DPP10: variants seen among roughly 807,000 people sequenced by gnomAD.
DPP10 encodes dipeptidyl peptidase like 10, also known as inactive dipeptidyl peptidase 10.
In DPP10, 33 loss-of-function variants were observed where a neutral mutation model predicts 120.9. That is an observed-to-expected ratio of 0.27 (90% CI 0.21 to 0.37). The LOEUF (loss-of-function observed/expected upper bound fraction) is 0.37. DPP10 is among the 10% of genes least tolerant of loss of function. The pLI, the probability that DPP10 is intolerant of heterozygous loss-of-function variation, is 1.00. For missense variants in DPP10, 816 were observed against 942.8 expected (o/e 0.87, Z 1.76); for synonymous variants, 337 against 326.1 (o/e 1.03, Z -0.36).
intron 1 of DPP10, among the ~76,000 whole-genome samples, chr2:114,477,494 C>A (rs148031877): frequency 1.4e-5 from 2 of 144,944 alleles, no homozygotes; most frequent in East Asian, 2.0e-4. Flanking sequence ...CATATACATA[C>A]GTATATACAC....
At chr2:115,428,351 C>A (rs2070670045) in intron 3 of DPP10, among the ~76,000 whole-genome samples, 1 of 152,096 alleles carries the variant, frequency 6.6e-6, no homozygotes, top group South Asian at 2.1e-4. Context: ...TTGGGCTGTT[C>A]TTGCTTTGCT....
At chr2:114,761,480 A>ATC (rs1680278386) in intron 1 of DPP10, among the ~76,000 whole-genome samples, 2 of 152,092 alleles carry the variant, frequency 1.3e-5, no homozygotes, top group African/African-American at 4.8e-5. Context: ...TACAGATAAT[A>ATC]TCTCTCTCTG....
At position 115,791,190 on chromosome 2, in the gene DPP10, G is replaced by T. The variant is rs747052323; in HGVS notation, c.1630+11G>T. 1 of 1,611,526 alleles carries T rather than the reference G, an allele frequency of 6.2e-7. No homozygotes were observed. Among genetic ancestry groups the T allele is most frequent in the African/African-American group, 1.3e-5 (1 of 74,896 alleles). ...ATATTGACGACTATGGTAAAATTTT[G>T]TGCATGCTATGTTATTCAAGAACAA... On this transcript the variant is annotated intron_variant, in intron 18 of 25. Coordinates refer to ENST00000410059, the MANE Select transcript of DPP10 (RefSeq NM_020868.6).
At chr2:115,625,595 G>A (rs2149297651) in intron 5 of DPP10, among the ~76,000 whole-genome samples, 1 of 152,192 alleles carries the variant, frequency 6.6e-6, no homozygotes, top group Non-Finnish European at 1.5e-5. Flanking sequence ...ATGTAGTTTG[G>A]AAAATCAACT....
At chr2:115,701,336 G>T (rs1378733588) in intron 7 of DPP10, among the ~76,000 whole-genome samples, 1 of 151,984 alleles carries the variant, frequency 6.6e-6, no homozygotes, top group Non-Finnish European at 1.5e-5. Flanking sequence ...ATTGAATCAG[G>T]AAAGGACTAT....
At chr2:115,833,607 C>T (rs577074786) in intron 21 of DPP10, among the ~76,000 whole-genome samples, 13 of 152,232 alleles carry the variant, frequency 8.5e-5, no homozygotes, top group Non-Finnish European at 1.5e-4. Context: ...CATAATGCCA[C>T]GCATGGAAAA....
At chr2:115,563,312 C>A (rs1189091819) in intron 5 of DPP10, among the ~76,000 whole-genome samples, 3 of 152,080 alleles carry the variant, frequency 2.0e-5, no homozygotes, top group African/African-American at 7.2e-5. Flanking sequence ...AAATATCAGA[C>A]TTCCGAGGAC....
rs1558791442 is a variant in DPP10, at chr2:114,834,764, G to GCACCTATGTATATATAAGCCATGTCTACA, written c.60+391999_60+392027dup. ...CTATGTATATATAAGCCATGTCTAC[G>GCACCTATGTATATATAAGCCATGTCTACA]CACCTATGTATATATAAGCCATGTC... On this transcript the variant is annotated intron_variant, in intron 1 of 25. Transcript: ENST00000410059. Among the ~76,000 whole-genome samples the GCACCTATGTATATATAAGCCATGTCTACA allele has an allele frequency of 9.0e-5, 3 of 33,154 alleles. 1 individual carries two copies. Among genetic ancestry groups the GCACCTATGTATATATAAGCCATGTCTACA allele is most frequent in the African/African-American group, 5.7e-5 (1 of 17,404 alleles). The allele number at this position is 33,154 out of a possible 152,430, so 21.8% of individuals were successfully genotyped here.
chr2:115,157,244 C>CAAAAAAAAAAAA (rs569338436), intron 1 of DPP10, among the ~76,000 whole-genome samples: 4 of 101,508 alleles, frequency 3.9e-5, no homozygotes, highest in African/African-American at 1.4e-4. Flanking sequence ...TTAAATATAG[C>CAAAAAAAAAAAA]AAAAAAAAAA....
At chr2:115,195,912 C>T in intron 1 of DPP10, among the ~76,000 whole-genome samples, 1 of 152,170 alleles carries the variant, frequency 6.6e-6, no homozygotes, top group East Asian at 1.9e-4. Flanking sequence ...TGTTTTATTA[C>T]TTCCAGTTTG....
intron 1 of DPP10, among the ~76,000 whole-genome samples, chr2:114,606,701 C>T (rs917196174): frequency 6.6e-6 from 1 of 152,114 alleles, no homozygotes; most frequent in Admixed American, 6.6e-5. Flanking sequence ...AAGTGGGAAG[C>T]TTAGTATCTC....
At chr2:115,778,269 G>A (rs1441063789) in intron 15 of DPP10, among the ~76,000 whole-genome samples, 1 of 152,030 alleles carries the variant, frequency 6.6e-6, no homozygotes, top group Non-Finnish European at 1.5e-5. Flanking sequence ...TATCAAGCAG[G>A]AAGCTTTCCC....
At chr2:114,561,851 C>T (rs777951873) in intron 1 of DPP10, among the ~76,000 whole-genome samples, 1 of 152,194 alleles carries the variant, frequency 6.6e-6, no homozygotes, top group Non-Finnish European at 1.5e-5. Context: ...CTAGAAACTT[C>T]GAAAACAACA....
At chr2:115,114,577 A>G (rs916271628) in intron 1 of DPP10, among the ~76,000 whole-genome samples, 2 of 152,116 alleles carry the variant, frequency 1.3e-5, no homozygotes, top group Admixed American at 1.3e-4. Flanking sequence ...CCCCACTTTT[A>G]CCGCTCCTCA....
chr2:115,052,344 T>C (rs1705559220), intron 1 of DPP10, among the ~76,000 whole-genome samples: 1 of 152,070 alleles, frequency 6.6e-6, no homozygotes, highest in Non-Finnish European at 1.5e-5. Flanking sequence ...TAATCAAAAT[T>C]AAACTTTTTA....
At chr2:115,045,572 T>C (rs10189234) in intron 1 of DPP10, among the ~76,000 whole-genome samples, 18,248 of 152,242 alleles carry the variant, frequency 0.12, 1,273 homozygotes, top group Non-Finnish European at 0.14. Context: ...TGAGTTCTAA[T>C]GCAAAGTCCC....
chr2:114,496,358 G>A (rs1033755557), intron 1 of DPP10, among the ~76,000 whole-genome samples: 3 of 152,032 alleles, frequency 2.0e-5, no homozygotes, highest in African/African-American at 7.2e-5. Flanking sequence ...TACTATTTTG[G>A]GGATGCTGCA....
chr2:115,204,019 G>T (rs1012490931), intron 1 of DPP10, among the ~76,000 whole-genome samples: 2 of 152,082 alleles, frequency 1.3e-5, no homozygotes, highest in Non-Finnish European at 2.9e-5. Context: ...GGCGATGGGC[G>T]AGTTTAAGCA....
chr2:114,635,164 T>C (rs969988682), intron 1 of DPP10, among the ~76,000 whole-genome samples: 4 of 151,908 alleles, frequency 2.6e-5, no homozygotes, highest in Admixed American at 6.5e-5. Flanking sequence ...GATATTCTTA[T>C]GCTCCTCATG....
Sources: allele counts gnomAD v4.1 joint callset (sites outside exome capture counted in the v4.1 genomes callset), GRCh38; gene constraint gnomAD v4.1.1; transcripts MANE v1.5; gene names NCBI Gene and HGNC (gene_info 2026-07-23, HGNC 2026-07-21).